Variants in HNRNPM observed in about 807,000 individuals in gnomAD.
The protein encoded by HNRNPM is CEA receptor.
Under a neutral mutation model 73.1 loss-of-function variants are expected in HNRNPM, and 11 were observed. That is an observed-to-expected ratio of 0.15 (90% CI 0.09 to 0.25). HNRNPM has a LOEUF of 0.25. HNRNPM is among the 10% of genes least tolerant of loss of function. The probability of loss-of-function intolerance (pLI) is 1.00; values close to 1 mark genes in which losing one functional copy is unlikely to be tolerated. For synonymous variants in HNRNPM, 407 were observed against 355.2 expected (o/e 1.15, Z -1.64); for missense variants, 789 against 1,067.9 (o/e 0.74, Z 3.64).
intron 1 of HNRNPM, among the ~76,000 whole-genome samples, chr19:8,453,108 G>T (rs1002731850): frequency 6.6e-6 from 1 of 151,946 alleles, no homozygotes; most frequent in Admixed American, 6.6e-5. Flanking sequence ...TGGGATTATA[G>T]GTGTGAGCCA....
intron 1 of HNRNPM, among the ~76,000 whole-genome samples, chr19:8,454,826 C>T (rs577101914): frequency 6.6e-6 from 1 of 152,180 alleles, no homozygotes; most frequent in East Asian, 1.9e-4. Context: ...AATTAACACA[C>T]CTTGGTCAGG....
intron 2 of HNRNPM, among the ~76,000 whole-genome samples, chr19:8,455,921 G>T (rs180726935): frequency 6.8e-6 from 1 of 146,442 alleles, no homozygotes; most frequent in Admixed American, 7.1e-5. Flanking sequence ...CACGTTAGGT[G>T]GGAGAGATTT....
chr19:8,474,158 C>T lies in HNRNPM; in HGVS notation c.1043-9C>T. 6.3e-7 allele frequency: 1 copy of T among 1,582,008 alleles called. No individual in the cohort carries two copies. The highest frequency in any genetic ancestry group is 8.6e-7 in the Non-Finnish European group (1 of 1,166,130). On this transcript the variant is annotated splice_polypyrimidine_tract_variant and intron_variant, in intron 11 of 15. Coordinates refer to ENST00000325495, the MANE Select transcript of HNRNPM (RefSeq NM_005968.5). ...TTGGATGATGCTGAAATGTGAACCTCTCTTGCAGGAATGGAGGGGCCCTTT... is the reference window on the plus strand; with the variant it reads ...TTGGATGATGCTGAAATGTGAACCTTTCTTGCAGGAATGGAGGGGCCCTTT...
chr19:8,451,370 G>A (rs780777308), intron 1 of HNRNPM, among the ~76,000 whole-genome samples: 82 of 152,222 alleles, frequency 5.4e-4, no homozygotes, highest in Non-Finnish European at 1.1e-3. Context: ...GCAGAGTTAA[G>A]TTTTTATATG....
Position 8,471,446 on chromosome 19 carries a change from C to T in HNRNPM, c.997+19C>T. ...CCCGCAGGTGAGAATGACAGTGCACCTTGCTTGGTGGTTTGGGGAAGTGAA... is the reference window on the plus strand; with the variant it reads ...CCCGCAGGTGAGAATGACAGTGCACTTTGCTTGGTGGTTTGGGGAAGTGAA... On this transcript the variant is annotated intron_variant, in intron 10 of 15. Transcript: ENST00000325495. 2.0e-6 allele frequency: 3 copies of T among 1,469,190 alleles called. No individual in the cohort carries two copies. The highest frequency in any genetic ancestry group is 2.4e-5 in the East Asian group (1 of 41,700). 91.0% of individuals were successfully genotyped at this position (1,469,190 alleles called of 1,614,324 possible). A position where few individuals can be genotyped will look rare whatever the true frequency, so the allele number is the denominator to read the frequency against.
intron 9 of HNRNPM, 40 bp downstream of exon 9, chr19:8,468,874 A>G (rs772815491): frequency 3.4e-6 from 5 of 1,482,456 alleles, no homozygotes; most frequent in Non-Finnish European, 4.7e-6. Flanking sequence ...TTTGAATTGG[A>G]GTTACACTAA....
At chr19:8,455,664 C>A in intron 2 of HNRNPM, 90 bp downstream of exon 2, 1 of 1,022,296 alleles carries the variant, frequency 9.8e-7, no homozygotes, top group Non-Finnish European at 1.5e-6. Context: ...TCAGTGGAAG[C>A]GGCTCTGGGT....
chr19:8,480,121 T>TA (rs1226005925), intron 12 of HNRNPM, among the ~76,000 whole-genome samples: 4 of 138,892 alleles, frequency 2.9e-5, no homozygotes, highest in African/African-American at 7.9e-5. Flanking sequence ...CTCATGCCTG[T>TA]ATTCCCAGCA....
chr19:8,458,917 G>C (rs1268681174), intron 2 of HNRNPM, among the ~76,000 whole-genome samples: 1 of 152,116 alleles, frequency 6.6e-6, no homozygotes, highest in Non-Finnish European at 1.5e-5. Flanking sequence ...ATTTTCCTCT[G>C]TTGGAAATGC....
intron 15 of HNRNPM, chr19:8,487,439 G>C: frequency 3.7e-6 from 1 of 268,804 alleles, no homozygotes; most frequent in Non-Finnish European, 7.4e-6. Flanking sequence ...CAGCACAGCT[G>C]GTGTGGGGCC....
At chr19:8,454,675 C>CCT (rs1968870967) in intron 1 of HNRNPM, among the ~76,000 whole-genome samples, 2 of 107,428 alleles carry the variant, frequency 1.9e-5, no homozygotes. Flanking sequence ...CATTTTATGC[C>CCT]CCCCCCCCCT....
chr19:8,453,459 A>T (rs1372567460), intron 1 of HNRNPM, among the ~76,000 whole-genome samples: 1 of 152,182 alleles, frequency 6.6e-6, no homozygotes, highest in Non-Finnish European at 1.5e-5. Flanking sequence ...ATAACATTTT[A>T]AAATAGTAGC....
intron 12 of HNRNPM, among the ~76,000 whole-genome samples, chr19:8,479,771 A>ATT (rs1970773957): frequency 8.3e-4 from 63 of 75,758 alleles, no homozygotes; most frequent in East Asian, 1.3e-3. Flanking sequence ...AAAAAAAAAA[A>ATT]ATTTTTTTTT....
At chr19:8,459,459 G>T (rs1417872871) in intron 2 of HNRNPM, among the ~76,000 whole-genome samples, 1 of 152,166 alleles carries the variant, frequency 6.6e-6, no homozygotes, top group African/African-American at 2.4e-5. Context: ...TTATATTAAA[G>T]AGTGTGCATG....
At chr19:8,484,071 T>G (rs1971101395) in intron 13 of HNRNPM, among the ~76,000 whole-genome samples, 1 of 151,886 alleles carries the variant, frequency 6.6e-6, no homozygotes, top group African/African-American at 2.4e-5. Context: ...CAAATGTACT[T>G]TTTCAGCCTG....
chr19:8,469,079 T>G (rs1969956982), intron 9 of HNRNPM, among the ~76,000 whole-genome samples: 1 of 152,140 alleles, frequency 6.6e-6, no homozygotes, highest in Non-Finnish European at 1.5e-5. Context: ...GTTAGGCATT[T>G]TGAAAGTGTC....
At chr19:8,466,108 A>T in intron 6 of HNRNPM, 127 bp from the exon 7 acceptor site, 1 of 874,082 alleles carries the variant, frequency 1.1e-6, no homozygotes, top group South Asian at 1.7e-5. Context: ...ATTGCAGTTG[A>T]TTAGTTTTTG....
chr19:8,488,442 T>C lies in HNRNPM; in HGVS notation c.2030-249T>C, dbSNP rs1234133769. 6 of 416,770 alleles carry C rather than the reference T, an allele frequency of 1.4e-5. No individual in the cohort carries two copies. In the South Asian group the frequency reaches 1.5e-4, roughly 10 times the overall value. The allele number at this position is 416,770 out of a possible 1,614,324, so 25.8% of individuals were successfully genotyped here. ...TATAAAGCTGGCTTTACACTGCGCCTTCTTTTTTGAACTTCCTGAAGCGTA... is the reference window on the plus strand; with the variant it reads ...TATAAAGCTGGCTTTACACTGCGCCCTCTTTTTTGAACTTCCTGAAGCGTA... On this transcript the variant is annotated intron_variant, in intron 15 of 15. Transcript: ENST00000325495.
chr19:8,489,067 T>C lies in HNRNPM; in HGVS notation c.*213T>C, dbSNP rs1281766726. 3 of 504,396 alleles carry C rather than the reference T, an allele frequency of 5.9e-6. No individual in the cohort carries two copies. Among genetic ancestry groups the C allele is most frequent in the African/African-American group, 5.8e-5 (3 of 52,130 alleles). 31.2% of individuals were successfully genotyped at this position (504,396 alleles called of 1,614,324 possible). A position where few individuals can be genotyped will look rare whatever the true frequency, so the allele number is the denominator to read the frequency against. ...CAATTTTTTTTGTAGTTGTGGCATC[T>C]TGTTGACATCGAATATGACTTTGAT... On this transcript the variant is annotated 3_prime_UTR_variant, in exon 16 of 16. Transcript: ENST00000325495.
Sources: allele counts gnomAD v4.1 joint callset (sites outside exome capture counted in the v4.1 genomes callset), GRCh38; gene constraint gnomAD v4.1.1; transcripts MANE v1.5; gene names NCBI Gene and HGNC (gene_info 2026-07-23, HGNC 2026-07-21).